The following ERBB4 variants were observed in gnomAD, a reference collection of about 807,000 sequenced individuals.
The protein encoded by ERBB4 is erb-b2 receptor tyrosine kinase 4.
In ERBB4, 42 loss-of-function variants were observed where a neutral mutation model predicts 158.0. That is an observed-to-expected ratio of 0.27 (90% confidence interval 0.21 to 0.34). The LOEUF (loss-of-function observed/expected upper bound fraction) is 0.34, where lower values mean the gene tolerates loss of function less well. Ranked by LOEUF, ERBB4 falls within the 10% of genes least tolerant of loss-of-function variation. ERBB4 has a pLI of 1.00. For synonymous variants in ERBB4, 583 were observed against 558.7 expected (o/e 1.04, Z -0.61); for missense variants, 1,333 against 1,624.1 (o/e 0.82, Z 3.08).
At chr2:211,587,452 C>A (rs1161418408) in intron 19 of ERBB4, among the ~76,000 whole-genome samples, 1 of 152,070 alleles carries the variant, frequency 6.6e-6, no homozygotes, top group African/African-American at 2.4e-5. Flanking sequence ...GACACAGAAG[C>A]ATAGGGAGAA....
At chr2:211,655,694 GA>G (rs1390128242) in intron 16 of ERBB4, among the ~76,000 whole-genome samples, 1 of 152,168 alleles carries the variant, frequency 6.6e-6, no homozygotes, top group Non-Finnish European at 1.5e-5. Flanking sequence ...TCTCAAGAAG[GA>G]AAATTTCTTT....
intron 1 of ERBB4, among the ~76,000 whole-genome samples, chr2:212,210,884 T>C (rs2105926297): frequency 6.6e-6 from 1 of 152,242 alleles, no homozygotes; most frequent in East Asian, 1.9e-4. Flanking sequence ...TCACAATTTA[T>C]ATTTCCCAGT....
chr2:212,009,179 C>T (rs1450569228), intron 2 of ERBB4, among the ~76,000 whole-genome samples: 1 of 151,930 alleles, frequency 6.6e-6, no homozygotes, highest in African/African-American at 2.4e-5. Context: ...GATATTTCTA[C>T]CTGGAACCCA....
intron 1 of ERBB4, among the ~76,000 whole-genome samples, chr2:212,195,632 GC>G: frequency 6.6e-6 from 1 of 151,996 alleles, no homozygotes; most frequent in South Asian, 2.1e-4. Context: ...TATGGCACAA[GC>G]ATAACTCATA....
intron 19 of ERBB4, among the ~76,000 whole-genome samples, chr2:211,606,746 G>A (rs41382849): frequency 0.012 from 1,866 of 152,122 alleles, 22 homozygotes; most frequent in African/African-American, 0.031. Flanking sequence ...TTGAAGCGCC[G>A]TTCTGCAAAA....
At chr2:212,387,338 G>A (rs925836323) in intron 1 of ERBB4, among the ~76,000 whole-genome samples, 2 of 152,110 alleles carry the variant, frequency 1.3e-5, no homozygotes, top group African/African-American at 4.8e-5. Flanking sequence ...AATGCATACA[G>A]CAGCGTTGAA....
At chr2:211,966,265 G>A (rs183220634) in intron 2 of ERBB4, among the ~76,000 whole-genome samples, 25 of 152,072 alleles carry the variant, frequency 1.6e-4, no homozygotes, top group East Asian at 7.7e-4. Context: ...TTTTTGAGAC[G>A]GAGTCTAGCT....
chr2:211,624,419 G>A (rs914251185), intron 17 of ERBB4, among the ~76,000 whole-genome samples: 8 of 152,138 alleles, frequency 5.3e-5, no homozygotes, highest in South Asian at 2.1e-4. Flanking sequence ...GGAAAAAAAC[G>A]CACAATGCCA....
At chr2:212,027,002 A>G (rs1408208561) in intron 2 of ERBB4, among the ~76,000 whole-genome samples, 1 of 151,926 alleles carries the variant, frequency 6.6e-6, no homozygotes, top group Non-Finnish European at 1.5e-5. Context: ...TAATACAAAT[A>G]ATAATTTGTA....
chr2:212,004,158 A>G (rs2076207226), intron 2 of ERBB4, among the ~76,000 whole-genome samples: 1 of 152,220 alleles, frequency 6.6e-6, no homozygotes, highest in South Asian at 2.1e-4. Flanking sequence ...AGGCAAAGAG[A>G]TATTTGTAGA....
At chr2:211,711,953 C>T (rs951556833) in intron 9 of ERBB4, 97 bp downstream of exon 9, 2 of 1,071,344 alleles carry the variant, frequency 1.9e-6, no homozygotes, top group Non-Finnish European at 2.8e-6. Context: ...AGGTGAAACT[C>T]TTCAGCTTCC....
Position 211,381,698 on chromosome 2 carries a change from A to G in ERBB4, c.*1917T>C. 1 of 231,718 alleles carries G rather than the reference A, an allele frequency of 4.3e-6. No individual in the cohort carries two copies. Among genetic ancestry groups the G allele is most frequent in the Non-Finnish European group, 8.5e-6 (1 of 117,124 alleles). 14.4% of individuals were successfully genotyped at this position (231,718 alleles called of 1,614,324 possible). The stretch of plus-strand genomic sequence containing the variant: ...GATGGATGGATGGATTTACTTGTTC[A>G]GAATAGGAAGAAACACAAATTTCTT... On this transcript the variant is annotated 3_prime_UTR_variant, in exon 28 of 28. Transcript: ENST00000342788.
At chr2:212,099,176 TA>T (rs1216562404) in intron 2 of ERBB4, among the ~76,000 whole-genome samples, 12 of 123,176 alleles carry the variant, frequency 9.7e-5, no homozygotes, top group Admixed American at 3.9e-4. Flanking sequence ...AATAAATAAA[TA>T]AATAAATAAT....
At chr2:211,464,893 AACAAGCACAAT>A (rs1291979042) in intron 20 of ERBB4, among the ~76,000 whole-genome samples, 2 of 151,840 alleles carry the variant, frequency 1.3e-5, no homozygotes, top group Non-Finnish European at 2.9e-5. Context: ...ATTGCATATT[AACAAGCACAAT>A]ACAAGCAGAG....
At chr2:212,535,016 C>G (rs1356462729) in intron 1 of ERBB4, among the ~76,000 whole-genome samples, 1 of 151,700 alleles carries the variant, frequency 6.6e-6, no homozygotes, top group Admixed American at 6.6e-5. Flanking sequence ...GCAGTAAGTG[C>G]CTTGATTTTC....
At chr2:211,689,044 A>G (rs1328241713) in intron 12 of ERBB4, among the ~76,000 whole-genome samples, 1 of 152,134 alleles carries the variant, frequency 6.6e-6, no homozygotes, top group Non-Finnish European at 1.5e-5. Flanking sequence ...TGAAAAGCTG[A>G]ATGATTTGAT....
intron 1 of ERBB4, among the ~76,000 whole-genome samples, chr2:212,199,052 A>C: frequency 6.6e-6 from 1 of 152,128 alleles, no homozygotes; most frequent in East Asian, 1.9e-4. Context: ...TATGTGTTTA[A>C]TTTGTTTTTG....
chr2:211,657,579 G>T, intron 16 of ERBB4, 175 bp downstream of exon 16: 1 of 633,656 alleles, frequency 1.6e-6, no homozygotes, highest in Non-Finnish European at 2.9e-6. Context: ...GAAGGAAAAA[G>T]AAGTAAGAAA....
rs560867304 is a variant in ERBB4 at position 211,952,667 on chromosome 2, G to T, written c.235-5051C>A. 5.3e-5 allele frequency among the ~76,000 whole-genome samples: 8 copies of T among 152,144 alleles called. No individual in the cohort carries two copies. The South Asian group carries it at 1.7e-3, about 32-fold the overall frequency. The stretch of plus-strand genomic sequence containing the variant: ...AGCCTTTGTGCTTACTAGCTTTGTG[G>T]CTTTCATCAGGTTGCTTAACCTCAT... On this transcript the variant is annotated intron_variant, in intron 2 of 27. Coordinates refer to ENST00000342788, the MANE Select transcript of ERBB4 (RefSeq NM_005235.3).
Sources: allele counts gnomAD v4.1 joint callset (sites outside exome capture counted in the v4.1 genomes callset), GRCh38; gene constraint gnomAD v4.1.1; transcripts MANE v1.5; gene names NCBI Gene and HGNC (gene_info 2026-07-23, HGNC 2026-07-21).